The following CCNH variants were observed in gnomAD, a reference collection of about 807,000 sequenced individuals.
CCNH encodes the protein cyclin-H.
In CCNH, 31 loss-of-function variants were observed where a neutral mutation model predicts 41.9. The ratio of observed to expected loss-of-function variants is 0.74; its 90% CI spans 0.56 to 1.00. CCNH has a LOEUF of 1.00. Among genes scored for constraint, CCNH ranks in the 50% least tolerant of loss-of-function variants. CCNH has a pLI of 0.00. For synonymous variants in CCNH, 138 were observed against 136.1 expected (o/e 1.01, Z -0.10); for missense variants, 362 against 388.4 (o/e 0.93, Z 0.57).
At chr5:87,339,621 A>G (rs994790325) in intron 9 of CCNH, among the ~76,000 whole-genome samples, 3 of 152,146 alleles carry the variant, frequency 2.0e-5, no homozygotes, top group African/African-American at 7.2e-5. Context: ...TACTCAATGT[A>G]TACAGAAAAA....
chr5:87,374,954 A>G (rs369135416), downstream of CCNH: 4 of 1,583,784 alleles, frequency 2.5e-6, no homozygotes, highest in Non-Finnish European at 3.4e-6. Context: ...TAGAAAAAGC[A>G]TGTTTTATAT....
chr5:87,331,276 T>C (rs1757579043), intron 9 of CCNH: 1 of 1,440,354 alleles, frequency 6.9e-7, no homozygotes, highest in Non-Finnish European at 9.8e-7. Flanking sequence ...TCTAGTAGTA[T>C]GTTTTTCAAG....
intron 9 of CCNH, among the ~76,000 whole-genome samples, chr5:87,340,169 C>A (rs187986712): frequency 6.6e-6 from 1 of 152,180 alleles, no homozygotes; most frequent in East Asian, 1.9e-4. Context: ...GACATTCTTG[C>A]CCTGATAGAT....
In CCNH at chr5:87,412,778, C is replaced by T; in HGVS notation, c.17G>A (p.Ser6Asn). Residue 6 changes from serine (S) to asparagine (N), a missense_variant, in exon 1 of 9, where the codon AGT (serine) becomes AAT (asparagine). Coordinates refer to ENST00000256897, the MANE Select transcript of CCNH (RefSeq NM_001239.4). ...GGAGAAGGTCCAGTGCCGCTTCTGA[C>T]TACTGTTGTGGTACATTATGGAATC... MYHNSSQKRHWTFSSE... is the reference protein window; with the variant it reads MYHNSNQKRHWTFSSE... The T allele has an allele frequency of 6.2e-7, 1 of 1,614,242 alleles. No individual in the cohort carries two copies. The highest frequency in any genetic ancestry group is 8.5e-7 in the Non-Finnish European group (1 of 1,180,040).
chr5:87,333,213 A>T, intron 9 of CCNH: 1 of 1,596,994 alleles, frequency 6.3e-7, no homozygotes, highest in Non-Finnish European at 8.5e-7. Flanking sequence ...ACCTCTTTTG[A>T]CTTTAAGATA....
intron 4 of CCNH, 35 bp from the exon 5 acceptor site, chr5:87,405,042 AGGG>A: frequency 3.3e-6 from 5 of 1,532,896 alleles, no homozygotes; most frequent in Non-Finnish European, 4.5e-6. Context: ...ACCATTTCTG[AGGG>A]TTTAAATGGA....
At chr5:87,351,736 TA>T (rs759691088) in intron 9 of CCNH, among the ~76,000 whole-genome samples, 1 of 151,732 alleles carries the variant, frequency 6.6e-6, no homozygotes, top group Admixed American at 6.6e-5. Context: ...GAGTAATTTT[TA>T]AAAAAACTCT....
At chr5:87,383,143 T>C (rs1761839534) in intron 9 of CCNH, among the ~76,000 whole-genome samples, 1 of 152,014 alleles carries the variant, frequency 6.6e-6, no homozygotes, top group African/African-American at 2.4e-5. Context: ...AGTGTTCTAT[T>C]ATAGACATTT....
intron 9 of CCNH, among the ~76,000 whole-genome samples, chr5:87,357,580 C>G (rs1759746600): frequency 6.6e-6 from 1 of 152,152 alleles, no homozygotes; most frequent in Admixed American, 6.5e-5. Context: ...TGACATGCCC[C>G]TGTAGTCCCA....
At chr5:87,376,647 C>T (rs1761346481) in exon 1 of CCNH, 5 of 1,463,558 alleles carry the variant, frequency 3.4e-6, no homozygotes, top group African/African-American at 1.4e-5. Context: ...TTAAGGTAAA[C>T]ATAGTAATTC....
chr5:87,409,430 C>A, intron 2 of CCNH, 67 bp from the exon 3 acceptor site: 2 of 898,442 alleles, frequency 2.2e-6, no homozygotes, highest in Non-Finnish European at 3.5e-6. Context: ...TTTTGTGAAA[C>A]AGAACTTATT....
downstream of CCNH, among the ~76,000 whole-genome samples, chr5:87,390,645 A>G (rs920814962): frequency 2.6e-5 from 4 of 152,138 alleles, no homozygotes; most frequent in Non-Finnish European, 4.4e-5. Context: ...TACTCAGCCA[A>G]TGACTGAATA....
intron 7 of CCNH, among the ~76,000 whole-genome samples, chr5:87,395,881 C>T (rs573130375): frequency 6.6e-6 from 1 of 151,770 alleles, no homozygotes; most frequent in East Asian, 1.9e-4. Flanking sequence ...CTCAAAAAAG[C>T]GGGGTGTGGG....
intron 9 of CCNH, chr5:87,331,378 A>C: frequency 6.2e-7 from 1 of 1,612,406 alleles, no homozygotes; most frequent in Non-Finnish European, 8.5e-7. Flanking sequence ...ACAGAACGAT[A>C]GCAGAAGAAC....
At chr5:87,394,738 A>AAT in intron 8 of CCNH, 1 of 1,326,368 alleles carries the variant, frequency 7.5e-7, no homozygotes, top group African/African-American at 1.5e-5. Context: ...CAGATAGAAA[A>AAT]TTTTTTTTAA....
At chr5:87,374,464 T>A (rs1240623901), downstream of CCNH, 433 of 316,438 alleles carry the variant, frequency 1.4e-3, no homozygotes, top group Non-Finnish European at 1.6e-3. Context: ...TATATATTTT[T>A]TTTTTTTTTT....
At chr5:87,350,607 G>T (rs1181400781) in intron 9 of CCNH, among the ~76,000 whole-genome samples, 1 of 151,384 alleles carries the variant, frequency 6.6e-6, no homozygotes, top group Non-Finnish European at 1.5e-5. Context: ...GGTAAAACAT[G>T]TAAAGGTAGT....
intron 7 of CCNH, among the ~76,000 whole-genome samples, chr5:87,398,069 T>C (rs982585556): frequency 5.3e-5 from 8 of 152,364 alleles, no homozygotes; most frequent in South Asian, 2.1e-4. Flanking sequence ...ATACTTTTAT[T>C]CATTAAAGTC....
intron 7 of CCNH, among the ~76,000 whole-genome samples, chr5:87,398,388 TAA>T (rs1763128974): frequency 6.6e-6 from 1 of 152,144 alleles, no homozygotes; most frequent in African/African-American, 2.4e-5. Context: ...AAATACATCT[TAA>T]ATATAAGATG....
Sources: gnomAD v4.1 joint callset for allele counts (sites outside exome capture counted in the v4.1 genomes callset) on GRCh38, gnomAD v4.1.1 for gene constraint, MANE v1.5 for transcripts, NCBI Gene and HGNC (gene_info 2026-07-23, HGNC 2026-07-21) for gene names.